Variants in LRP1 observed in about 807,000 individuals in gnomAD.
LRP1 encodes LDL receptor related protein 1.
In LRP1, 51 loss-of-function variants were observed where a neutral mutation model predicts 541.5. The observed-to-expected ratio is 0.09, with a 90% CI of 0.08 to 0.12. LRP1 has a LOEUF of 0.12. Among genes scored for constraint, LRP1 ranks in the 10% least tolerant of loss-of-function variants. LRP1 has a pLI of 1.00. For missense variants in LRP1, 3,878 were observed against 6,376.2 expected, an observed-to-expected ratio of 0.61 and a Z score of 13.34; for synonymous variants, 2,219 against 2,470.8, an observed-to-expected ratio of 0.90 and a Z score of 3.02.
chr12:57,179,629 T>G lies in LRP1; in HGVS notation c.4966+73T>G. ...CCGCCCCTTGCTCCCAACCCTGGTCTACTTGGTCCGAGTGGTCCTTCTCCC... is the reference window on the plus strand; with the variant it reads ...CCGCCCCTTGCTCCCAACCCTGGTCGACTTGGTCCGAGTGGTCCTTCTCCC... On this transcript the variant is annotated intron_variant, in intron 29 of 88. Coordinates refer to ENST00000243077, the MANE Select transcript of LRP1 (RefSeq NM_002332.3). The surrounding 1 kb of genome is among the most constrained non-coding windows in gnomAD (Gnocchi z 6.8). 1 of 1,478,150 alleles carries G rather than the reference T, an allele frequency of 6.8e-7. No homozygotes were observed. Among genetic ancestry groups the G allele is most frequent in the South Asian group, 1.2e-5 (1 of 85,642 alleles). 91.6% of individuals were successfully genotyped at this position (1,478,150 alleles called of 1,614,324 possible).
Position 57,166,201 on chromosome 12 carries a change from C to G in LRP1, c.2789C>G (p.Thr930Ser). 1 of 1,609,496 alleles carries G rather than the reference C, an allele frequency of 6.2e-7. No homozygotes were observed. The highest frequency in any genetic ancestry group is 8.5e-7 in the Non-Finnish European group (1 of 1,177,872). Residue 930 changes from threonine to serine, a missense_variant, in exon 17 of 89, where the codon ACT becomes AGT. Thr to Ser is a moderately conservative substitution (Grantham distance 58). Coordinates refer to ENST00000243077, the MANE Select transcript of LRP1 (RefSeq NM_002332.3). ...CGNSEDESNA[T>S]CSARTCPPNQ... Reference sequence around the variant, plus strand: ...AACAGTGAAGATGAGTCCAATGCCACTTGTTCAGGTGTGGAGCGGGGCTCA... The same window carrying G: ...AACAGTGAAGATGAGTCCAATGCCAGTTGTTCAGGTGTGGAGCGGGGCTCA...
In LRP1 at chr12:57,197,557, G is replaced by A. The variant is rs1232347210; in HGVS notation, c.9175G>A (p.Ala3059Thr). 3 of 1,613,914 alleles carry A rather than the reference G, an allele frequency of 1.9e-6. No individual in the cohort carries two copies. Among genetic ancestry groups the A allele is most frequent in the African/African-American group, 1.3e-5 (1 of 74,884 alleles). ...YTLLKQGLNNAVALDFDYREQ... is the reference protein window; with the variant it reads ...YTLLKQGLNNTVALDFDYREQ... ...TCCCCAAATCCAGGGCCTGAACAAC[G>A]CCGTTGCCTTGGATTTTGACTACCG... Residue 3059 changes from alanine (A) to threonine (T), a missense_variant, in exon 58 of 89, where the codon GCC becomes ACC. Coordinates refer to ENST00000243077, the MANE Select transcript of LRP1 (RefSeq NM_002332.3). This position sits in a 1 kb window ranked among gnomAD's most constrained non-coding sequence, Gnocchi z 4.5.
chr12:57,203,676 T>G (rs1251742497), intron 70 of LRP1, 155 bp downstream of exon 70: 47 of 1,010,938 alleles, frequency 4.6e-5, no homozygotes, highest in Non-Finnish European at 6.5e-5. Context: ...GCCATAGGTG[T>G]TAGGGACGTA....
intron 60 of LRP1, 134 bp downstream of exon 60, chr12:57,198,804 T>A: frequency 1.1e-6 from 1 of 890,016 alleles, no homozygotes; most frequent in South Asian, 1.6e-5. Flanking sequence ...CACCACTCAC[T>A]GGGGTGTGGG....
At chr12:57,208,998 G>A in intron 78 of LRP1, 85 bp from the exon 79 acceptor site, 2 of 1,198,912 alleles carry the variant, frequency 1.7e-6, no homozygotes, top group Non-Finnish European at 2.5e-6. Flanking sequence ...ACAGGGTGGA[G>A]CTGTCCCGGG....
At chr12:57,196,909 T>C in intron 55 of LRP1, 73 bp from the exon 56 acceptor site, 2 of 1,346,874 alleles carry the variant, frequency 1.5e-6, no homozygotes, top group Non-Finnish European at 1.0e-6. Flanking sequence ...AATTGGAGTC[T>C]CTGAGCCAGG....
chr12:57,207,983 G>A, intron 76 of LRP1, 55 bp from the exon 77 acceptor site: 1 of 1,584,112 alleles, frequency 6.3e-7, no homozygotes, highest in Non-Finnish European at 8.6e-7. Flanking sequence ...TGGTGGCGGG[G>A]GGATAATGGC....
chr12:57,202,825 A>C (rs1039149135), intron 68 of LRP1: 122 of 557,488 alleles, frequency 2.2e-4, no homozygotes, highest in Non-Finnish European at 3.5e-5. Flanking sequence ...AGAGCCCCCC[A>C]TCCCTGTGCT....
At chr12:57,199,098 C>A in intron 60 of LRP1, 114 bp from the exon 61 acceptor site, 2 of 938,802 alleles carry the variant, frequency 2.1e-6, no homozygotes, top group Non-Finnish European at 3.4e-6. Flanking sequence ...CCATCTGTAA[C>A]TGGGGCTGAC....
chr12:57,198,774 C>T lies in LRP1; in HGVS notation c.9676+104C>T, dbSNP rs1800168. 0.66 allele frequency: 760,652 copies of T among 1,158,212 alleles called. 256,191 individuals are homozygous for T. Among genetic ancestry groups the T allele is most frequent in the South Asian group, 0.78 (54,556 of 69,570 alleles). 71.7% of individuals were successfully genotyped at this position (1,158,212 alleles called of 1,614,324 possible). ...TGGGGGCAAGAGTGGACATAAAAAG[C>T]GGAGGATATGGCCTGAGGACACCAC... On this transcript the variant is annotated intron_variant, in intron 60 of 88. Transcript: ENST00000243077.
At position 57,185,615 on chromosome 12, in the gene LRP1, C is replaced by T. The variant is rs1429929767; in HGVS notation, c.6548C>T (p.Ala2183Val). 2 of 1,610,564 alleles carry T rather than the reference C, an allele frequency of 1.2e-6. No homozygotes were observed. Among genetic ancestry groups the T allele is most frequent in the Non-Finnish European group, 1.7e-6 (2 of 1,179,804 alleles). ...CGTGGGCAGCGGGCCTGCGCCTGTG[C>T]CCACGGGATGCTGGCTGAAGACGGA... ...RGRGQRACAC[A>V]HGMLAEDGAS... Residue 2183 changes from alanine to valine, a missense_variant, in exon 41 of 89, where the codon GCC becomes GTC. By Grantham distance (64) the Ala-to-Val change is moderately conservative. Coordinates refer to ENST00000243077, the MANE Select transcript of LRP1 (RefSeq NM_002332.3). The surrounding 1 kb of genome is among the most constrained non-coding windows in gnomAD (Gnocchi z 4.9).
At position 57,145,272 on chromosome 12, in the gene LRP1, A is replaced by G; in HGVS notation, c.623A>G (p.Asn208Ser). The G allele has an allele frequency of 1.2e-6, 2 of 1,614,146 alleles. No homozygotes were observed. Among genetic ancestry groups the G allele is most frequent in the Non-Finnish European group, 1.7e-6 (2 of 1,180,022 alleles). Residue 208 changes from asparagine to serine, a missense_variant, in exon 6 of 89, where the codon AAC (asparagine) becomes AGC (serine). By Grantham distance (46) the Asn-to-Ser change is conservative. Transcript: ENST00000243077. ...PPVLLIANSQ[N>S]ILATYLSGAQ... ...GTGCTGTTGATAGCCAACTCCCAGA[A>G]CATCTTGGCCACGTACCTGAGTGGG...
At chr12:57,195,242 T>C (rs758573612) in intron 51 of LRP1, 29 bp from the exon 52 acceptor site, 5 of 1,609,872 alleles carry the variant, frequency 3.1e-6, no homozygotes, top group Non-Finnish European at 3.4e-6. Context: ...CGCTCCTAAG[T>C]CTCTCAGTGG....
At chr12:57,152,508 C>T (rs942327764) in intron 6 of LRP1, among the ~76,000 whole-genome samples, 1 of 152,166 alleles carries the variant, frequency 6.6e-6, no homozygotes, top group African/African-American at 2.4e-5. Flanking sequence ...AGCCCAGCAG[C>T]ATTCATTTGA....
At chr12:57,152,252 C>T (rs1164269984) in intron 6 of LRP1, among the ~76,000 whole-genome samples, 1 of 152,002 alleles carries the variant, frequency 6.6e-6, no homozygotes, top group Non-Finnish European at 1.5e-5. Context: ...ATTGCCAGCC[C>T]TAGGGCTGGG....
Position 57,165,858 on chromosome 12 carries a change from G to A in LRP1, c.2584G>A (p.Ala862Thr). ...GTGCCAGCCAGGCGAGTTTGCCTGT[G>A]CCAACAGCCGCTGCATCCAGGAGCG... ...PQCQPGEFACANSRCIQERWK... is the reference protein window; with the variant it reads ...PQCQPGEFACTNSRCIQERWK... The change falls in exon 16 of 89, where the codon GCC becomes ACC. Residue 862 changes from alanine to threonine, a missense_variant. Transcript: ENST00000243077. This position sits in a 1 kb window ranked among gnomAD's most constrained non-coding sequence, Gnocchi z 4.5. 6.2e-7 allele frequency: 1 copy of A among 1,614,224 alleles called. No homozygotes were observed. Among genetic ancestry groups the A allele is most frequent in the Non-Finnish European group, 8.5e-7 (1 of 1,180,048 alleles).
chr12:57,177,521 G>A lies in LRP1; in HGVS notation c.4291G>A (p.Gly1431Ser), dbSNP rs769070816. Residue 1431 changes from glycine (G) to serine (S), a missense_variant, in exon 26 of 89, where the codon GGC becomes AGC. By Grantham distance (56) the Gly-to-Ser change is moderately conservative. Around this residue, in one of 13 missense-constraint regions of LRP1, gnomAD observed 16 missense variants for 18.4 expected, o/e 0.87. Transcript: ENST00000243077. The surrounding 1 kb of genome is among the most constrained non-coding windows in gnomAD (Gnocchi z 6.8). Reference protein sequence around the residue: ...AGRRTVHRETGSGGWPNGLTV... With the variant: ...AGRRTVHRETSSGGWPNGLTV... ...GCGCCGCACCGTGCACCGGGAGACC[G>A]GCTCTGGGGGCTGGCCCAACGGGCT... The A allele has an allele frequency of 1.9e-6, 3 of 1,613,962 alleles. No individual in the cohort carries two copies. Among genetic ancestry groups the A allele is most frequent in the Non-Finnish European group, 1.7e-6 (2 of 1,180,006 alleles).
At chr12:57,194,759 C>A in intron 50 of LRP1, 60 bp downstream of exon 50, 7 of 1,507,820 alleles carry the variant, frequency 4.6e-6, no homozygotes, top group Admixed American at 2.2e-5. Context: ...ACTTCTTAGT[C>A]CCCCCCAGCA....
chr12:57,185,875 G>A lies in LRP1; in HGVS notation c.6808G>A (p.Asp2270Asn), dbSNP rs2136711914. 1 of 1,614,020 alleles carries A rather than the reference G, an allele frequency of 6.2e-7. No homozygotes were observed. Among genetic ancestry groups the A allele is most frequent in the East Asian group, 2.2e-5 (1 of 44,880 alleles). The stretch of plus-strand genomic sequence containing the variant: ...CTTTGGGAACATCCAACAGATCAAC[G>A]ACGATGGCTCCAGGAGGATCACCAT... ...IHFGNIQQIN[D>N]DGSRRITIVE... The change falls in exon 41 of 89, where the codon GAC (aspartate) becomes AAC (asparagine). Residue 2270 changes from aspartate (D) to asparagine (N), a missense_variant. Physicochemically the swap from Asp to Asn is conservative, Grantham distance 23 (BLOSUM62 1). Transcript: ENST00000243077. This position sits in a 1 kb window ranked among gnomAD's most constrained non-coding sequence, Gnocchi z 4.9.
Sources: allele counts gnomAD v4.1 joint callset (sites outside exome capture counted in the v4.1 genomes callset), GRCh38; gene constraint gnomAD v4.1.1; regional missense constraint gnomAD v4.1.1; non-coding constraint Gnocchi (gnomAD v3.1); transcripts MANE v1.5; gene names NCBI Gene and HGNC (gene_info 2026-07-23, HGNC 2026-07-21).